The following ACOT11 variants were observed in gnomAD, a reference collection of about 807,000 sequenced individuals.
ACOT11 encodes the protein acyl-CoA thioesterase 11, also known as acyl-coenzyme A thioesterase 11.
In ACOT11, 69 loss-of-function variants were observed where a neutral mutation model predicts 77.5. The observed-to-expected ratio is 0.89, with a 90% CI of 0.73 to 1.09. The LOEUF is 1.09. Ranked by LOEUF, ACOT11 falls within the 50% of genes least tolerant of loss-of-function variation. The probability of loss-of-function intolerance (pLI) is 0.00; values close to 1 mark genes in which losing one functional copy is unlikely to be tolerated. For missense variants in ACOT11, 766 were observed against 813.7 expected, an observed-to-expected ratio of 0.94 and a Z score of 0.71; for synonymous variants, 279 against 313.0, an observed-to-expected ratio of 0.89 and a Z score of 1.15.
At position 54,597,366 on chromosome 1, in the gene ACOT11, G is replaced by A. The variant is rs1438111250; in HGVS notation, c.715G>A (p.Gly239Arg). 1 of 1,613,826 alleles carries A rather than the reference G, an allele frequency of 6.2e-7. No homozygotes were observed. Among genetic ancestry groups the A allele is most frequent in the Non-Finnish European group, 8.5e-7 (1 of 1,179,976 alleles). Residue 239 changes from glycine (G) to arginine (R), a missense_variant, in exon 7 of 16, where the codon GGG becomes AGG. By Grantham distance (125) the Gly-to-Arg change is moderately radical. Coordinates refer to ENST00000343744, the MANE Select transcript of ACOT11 (RefSeq NM_147161.4). ...PHANHQGNTF[G>R]GQIMAWMENV... ...CGCCAATCACCAGGGCAACACCTTT[G>A]GGGGCCAGATCATGGCCTGGATGGA...
chr1:54,614,646 A>G (rs1644152165), downstream of ACOT11: 17 of 1,543,576 alleles, frequency 1.1e-5, no homozygotes, highest in Middle Eastern at 2.2e-4. Flanking sequence ...ATCCTGTGGT[A>G]GGTGTTGACA....
At chr1:54,579,500 A>G (rs1553162794) in intron 1 of ACOT11, among the ~76,000 whole-genome samples, 1 of 152,182 alleles carries the variant, frequency 6.6e-6, no homozygotes, top group Non-Finnish European at 1.5e-5. Flanking sequence ...TTGGTGGGGA[A>G]AGCACCAGGA....
chr1:54,614,473 C>T (rs1364199223), downstream of ACOT11, among the ~76,000 whole-genome samples: 1 of 151,918 alleles, frequency 6.6e-6, no homozygotes, highest in Non-Finnish European at 1.5e-5. Context: ...CTGCAGTGGC[C>T]TAAGATGTCA....
At chr1:54,572,131 C>T (rs1653948695) in intron 1 of ACOT11, among the ~76,000 whole-genome samples, 1 of 151,926 alleles carries the variant, frequency 6.6e-6, no homozygotes, top group South Asian at 2.1e-4. Flanking sequence ...CTGTTCCCTG[C>T]CAGCCTCTGT....
chr1:54,606,952 A>G (rs1192459447), intron 13 of ACOT11, among the ~76,000 whole-genome samples, 182 bp from the exon 14 acceptor site: 1 of 152,256 alleles, frequency 6.6e-6, no homozygotes, highest in Non-Finnish European at 1.5e-5. Flanking sequence ...GCACACGCAC[A>G]TGTGTGTCCA....
chr1:54,585,919 C>T lies in ACOT11; in HGVS notation c.311+15C>T, dbSNP rs868808875. On this transcript the variant is annotated intron_variant, in intron 3 of 15. Transcript: ENST00000343744. ...CACACCATTAGGTAAGTGGCCCCTCCTGCCTCAAGGTCCTCTGGGCTCCCT... is the reference window on the plus strand; with the variant it reads ...CACACCATTAGGTAAGTGGCCCCTCTTGCCTCAAGGTCCTCTGGGCTCCCT... 6.2e-7 allele frequency: 1 copy of T among 1,613,734 alleles called. No homozygotes were observed. Among genetic ancestry groups the T allele is most frequent in the Admixed American group, 1.7e-5 (1 of 59,996 alleles).
intron 8 of ACOT11, 80 bp downstream of exon 8, chr1:54,599,495 A>G (rs1643938339): frequency 2.2e-6 from 3 of 1,385,012 alleles, no homozygotes; most frequent in African/African-American, 1.4e-5. Flanking sequence ...CCTACTTCAA[A>G]CTGTCCAGGA....
At chr1:54,564,552 C>T (rs762900175) in intron 1 of ACOT11, among the ~76,000 whole-genome samples, 20 of 152,378 alleles carry the variant, frequency 1.3e-4, no homozygotes, top group Admixed American at 2.0e-4. Flanking sequence ...GGCCTTGGGA[C>T]TTCCTTTCAG....
Position 54,627,787 on chromosome 1 carries a change from C to T in ACOT11, c.1630-2947C>T, listed in dbSNP as rs1000999180. On this transcript the variant is annotated intron_variant, in intron 15 of 16. Transcript: ENST00000371316. ...GCTTTCAGAAGAGGCTTGGCTGACT[C>T]GGAGAACCATCAGGGACGGGGGCTA... Among the ~76,000 whole-genome samples, 16 of 133,388 alleles carry T rather than the reference C, an allele frequency of 1.2e-4. 3 individuals are homozygous for T. The highest frequency in any genetic ancestry group is 3.3e-4 in the African/African-American group (13 of 39,252). The allele number at this position is 133,388 out of a possible 152,430, so 87.5% of individuals were successfully genotyped here.
In ACOT11 at chr1:54,597,340, A is replaced by G. The variant is rs1643899559; in HGVS notation, c.689A>G (p.His230Arg). 1 of 1,613,888 alleles carries G rather than the reference A, an allele frequency of 6.2e-7. No individual in the cohort carries two copies. The highest frequency in any genetic ancestry group is 1.1e-5 in the South Asian group (1 of 91,060). The change falls in exon 7 of 16, where the codon CAC becomes CGC. Residue 230 changes from histidine (H) to arginine (R), a missense_variant. By Grantham distance (29) the His-to-Arg change is conservative. Coordinates refer to ENST00000343744, the MANE Select transcript of ACOT11 (RefSeq NM_147161.4). ...AGTGTGGAGCTGGTCCTGCCTCCCC[A>G]CGCCAATCACCAGGGCAACACCTTT... ...VESVELVLPPHANHQGNTFGG... is the reference protein window; with the variant it reads ...VESVELVLPPRANHQGNTFGG...
At chr1:54,551,627 G>A (rs756263076) in intron 1 of ACOT11, among the ~76,000 whole-genome samples, 1 of 152,206 alleles carries the variant, frequency 6.6e-6, no homozygotes, top group Non-Finnish European at 1.5e-5. Flanking sequence ...CCCAGCCTCA[G>A]GTCTAGCCTG....
chr1:54,578,585 C>A (rs1169500166), intron 1 of ACOT11, among the ~76,000 whole-genome samples: 1 of 152,192 alleles, frequency 6.6e-6, no homozygotes, highest in Non-Finnish European at 1.5e-5. Context: ...TCAGATTCTG[C>A]TCCACATTCT....
chr1:54,564,293 C>T (rs1387904106), intron 1 of ACOT11, among the ~76,000 whole-genome samples: 2 of 152,160 alleles, frequency 1.3e-5, no homozygotes, highest in Non-Finnish European at 2.9e-5. Context: ...GAAAGCTGTG[C>T]ACAGCTTTAC....
chr1:54,608,091 C>T (rs1233683742), intron 15 of ACOT11, 23 bp downstream of exon 15: 29 of 1,600,050 alleles, frequency 1.8e-5, no homozygotes, highest in African/African-American at 2.7e-5. Context: ...CCCCCAACCA[C>T]GCCCCCAGCC....
Position 54,584,965 on chromosome 1 carries a change from T to C in ACOT11, c.241+103T>C. ...GTCCACCCTAAGTGCCACACTTGTT[T>C]CTCATCTTGGCCTTTGCTCATGCTG... is the stretch of plus-strand genomic sequence containing the variant. On this transcript the variant is annotated intron_variant, in intron 2 of 15. Coordinates refer to ENST00000343744, the MANE Select transcript of ACOT11 (RefSeq NM_147161.4). The surrounding 1 kb of genome is among the most constrained non-coding windows in gnomAD (Gnocchi z 6.3). 1 of 1,274,222 alleles carries C rather than the reference T, an allele frequency of 7.8e-7. No homozygotes were observed. Among genetic ancestry groups the C allele is most frequent in the Non-Finnish European group, 1.1e-6 (1 of 928,868 alleles). 78.9% of individuals were successfully genotyped at this position (1,274,222 alleles called of 1,614,324 possible). A position where few individuals can be genotyped will look rare whatever the true frequency, so the allele number is the denominator to read the frequency against.
Position 54,594,240 on chromosome 1 carries a change from C to T in ACOT11, c.471+201C>T, listed in dbSNP as rs557434816. On this transcript the variant is annotated intron_variant, in intron 5 of 15. Transcript: ENST00000343744. ...CCCCTCTCCCCTCCTTTCCCCACCTCTCCCTGTGCTTCTCCAGCGAAGATT... is the reference window on the plus strand; with the variant it reads ...CCCCTCTCCCCTCCTTTCCCCACCTTTCCCTGTGCTTCTCCAGCGAAGATT... Among the ~76,000 whole-genome samples the T allele has an allele frequency of 2.0e-5, 3 of 152,310 alleles. No homozygotes were observed. In the East Asian group the frequency reaches 5.8e-4, roughly 29 times the overall value.
intron 8 of ACOT11, among the ~76,000 whole-genome samples, chr1:54,600,818 C>T (rs1643952020): frequency 6.6e-6 from 1 of 152,226 alleles, no homozygotes. Context: ...CGTCCACCTC[C>T]ACCTCCTGGT....
intron 1 of ACOT11, among the ~76,000 whole-genome samples, chr1:54,581,402 T>A (rs1654300485): frequency 6.6e-6 from 1 of 152,126 alleles, no homozygotes; most frequent in African/African-American, 2.4e-5. Flanking sequence ...AGGGCTTATA[T>A]TGGCCCCCGC....
intron 15 of ACOT11, among the ~76,000 whole-genome samples, chr1:54,622,538 C>A (rs1473730502): frequency 6.6e-6 from 1 of 151,726 alleles, no homozygotes; most frequent in Non-Finnish European, 1.5e-5. Context: ...AGATCACACT[C>A]CAGCCTGGCG....
Sources: allele counts gnomAD v4.1 joint callset (sites outside exome capture counted in the v4.1 genomes callset), GRCh38; gene constraint gnomAD v4.1.1; non-coding constraint Gnocchi (gnomAD v3.1); transcripts MANE v1.5; gene names NCBI Gene and HGNC (gene_info 2026-07-23, HGNC 2026-07-21).